The following GPHN variants were observed in gnomAD, a reference collection of about 807,000 sequenced individuals.
GPHN encodes the protein gephyrin.
Under a neutral mutation model 95.5 loss-of-function variants are expected in GPHN, and 17 were observed. The ratio of observed to expected loss-of-function variants is 0.18; its 90% CI spans 0.12 to 0.27. The LOEUF (loss-of-function observed/expected upper bound fraction) is 0.27. Among genes scored for constraint, GPHN ranks in the 10% least tolerant of loss-of-function variants. The pLI is 1.00. For missense variants in GPHN, 660 were observed against 978.1 expected (o/e 0.67, Z 4.34); for synonymous variants, 320 against 322.5 (o/e 0.99, Z 0.08).
chr14:66,845,816 C>CCT (rs1318281400), intron 4 of GPHN, among the ~76,000 whole-genome samples: 2 of 124,970 alleles, frequency 1.6e-5, no homozygotes, highest in African/African-American at 3.7e-5. Flanking sequence ...CACATACATG[C>CCT]CTCTGTGTGT....
At position 66,922,750 on chromosome 14, in the gene GPHN, G is replaced by A. The variant is rs779167485; in HGVS notation, c.541G>A (p.Asp181Asn). The change falls in exon 7 of 23, where the codon GAT (aspartate) becomes AAT (asparagine). Residue 181 changes from aspartate to asparagine, a missense_variant. Asp to Asn is a conservative substitution (Grantham distance 23). This residue lies in a region of GPHN where 190 missense variants were observed against 224.7 expected (regional missense o/e 0.85). Coordinates refer to ENST00000478722, the MANE Select transcript of GPHN (RefSeq NM_020806.5). ...DAIVKVKEVH[D>N]ELEDLPSPPP... ...CATTGTAAAAGTAAAGGAGGTGCAT[G>A]ATGAACTTGAAGATTTGCCTTCCCC... 16 of 1,613,612 alleles carry A rather than the reference G, an allele frequency of 9.9e-6. No homozygotes were observed. Among genetic ancestry groups the A allele is most frequent in the Non-Finnish European group, 1.4e-5 (16 of 1,179,670 alleles).
At chr14:67,527,680 T>C in the GPHN span, among the ~76,000 whole-genome samples, 1 of 152,208 alleles carries the variant, frequency 6.6e-6, no homozygotes, top group Non-Finnish European at 1.5e-5. Flanking sequence ...CAGCCCCTCA[T>C]TCCCCAGCAT....
At chr14:67,201,046 A>G in the GPHN span, among the ~76,000 whole-genome samples, 1 of 152,202 alleles carries the variant, frequency 6.6e-6, no homozygotes, top group African/African-American at 2.4e-5. Context: ...CTATAATCCC[A>G]GTACTTTGAA....
the GPHN span, among the ~76,000 whole-genome samples, chr14:67,708,917 C>T: frequency 2.8e-3 from 420 of 151,768 alleles, 1 homozygote; most frequent in African/African-American, 9.1e-3. Flanking sequence ...CTCAGCCTCA[C>T]GAGTAGCTGG....
chr14:67,466,192 A>G, the GPHN span, among the ~76,000 whole-genome samples: 3 of 152,248 alleles, frequency 2.0e-5, no homozygotes, highest in African/African-American at 4.8e-5. Context: ...TAAACCAGAA[A>G]ACTTCCTTTC....
chr14:67,678,203 T>C, the GPHN span: 1 of 680,398 alleles, frequency 1.5e-6, no homozygotes, highest in African/African-American at 1.8e-5. Context: ...CAGGCAAGGC[T>C]GGAAGGTTTT....
chr14:67,465,417 G>A, the GPHN span, among the ~76,000 whole-genome samples: 1 of 152,128 alleles, frequency 6.6e-6, no homozygotes, highest in Non-Finnish European at 1.5e-5. Context: ...AACCACAAAA[G>A]GTTTGTAAGC....
At chr14:66,919,615 A>G (rs1174826583) in intron 6 of GPHN, among the ~76,000 whole-genome samples, 1 of 152,190 alleles carries the variant, frequency 6.6e-6, no homozygotes, top group Non-Finnish European at 1.5e-5. Context: ...GTCTCCTATT[A>G]AACAATCTTG....
the GPHN span, among the ~76,000 whole-genome samples, chr14:67,548,700 A>T: frequency 1.4e-4 from 22 of 152,346 alleles, no homozygotes; most frequent in East Asian, 4.1e-3. Flanking sequence ...TCTGTCTCAA[A>T]AAAAAAGAGA....
At chr14:67,057,889 A>C (rs1012185459) in intron 10 of GPHN, among the ~76,000 whole-genome samples, 3 of 152,258 alleles carry the variant, frequency 2.0e-5, no homozygotes, top group African/African-American at 7.2e-5. Flanking sequence ...GTTTAATAAG[A>C]AAATGCCTAT....
chr14:67,486,009 G>A, the GPHN span, among the ~76,000 whole-genome samples: 137 of 152,360 alleles, frequency 9.0e-4, 1 homozygote, highest in African/African-American at 3.1e-3. Context: ...TCTGGGCAGA[G>A]TCCAGTCCCA....
At chr14:67,723,884 T>C in the GPHN span, among the ~76,000 whole-genome samples, 7 of 152,224 alleles carry the variant, frequency 4.6e-5, no homozygotes, top group Non-Finnish European at 1.0e-4. Context: ...TTTCTCTCTG[T>C]TTGCCATCGG....
At chr14:67,713,224 C>A in the GPHN span, among the ~76,000 whole-genome samples, 1 of 151,558 alleles carries the variant, frequency 6.6e-6, no homozygotes. Context: ...CAACTCTCTA[C>A]CATCCTAGAA....
chr14:66,560,917 T>G (rs1353684937), intron 1 of GPHN, among the ~76,000 whole-genome samples: 1 of 152,226 alleles, frequency 6.6e-6, no homozygotes, highest in Non-Finnish European at 1.5e-5. Flanking sequence ...ATACATCCCA[T>G]CATTACCTAA....
chr14:66,950,694 G>A (rs1468008432), intron 8 of GPHN, among the ~76,000 whole-genome samples: 1 of 152,058 alleles, frequency 6.6e-6, no homozygotes. Flanking sequence ...TTACTGAAAT[G>A]TTTTAATTAG....
chr14:67,652,132 C>T, the GPHN span, among the ~76,000 whole-genome samples: 9 of 152,184 alleles, frequency 5.9e-5, no homozygotes, highest in African/African-American at 1.2e-4. Context: ...CCCAAGGTCA[C>T]GTACAATACC....
the GPHN span, among the ~76,000 whole-genome samples, chr14:67,504,832 G>A: frequency 1.3e-5 from 2 of 152,142 alleles, no homozygotes; most frequent in African/African-American, 2.4e-5. Context: ...TTGCAGGTGA[G>A]CTGAGATCTC....
the GPHN span, among the ~76,000 whole-genome samples, chr14:67,195,086 C>A: frequency 6.6e-6 from 1 of 152,168 alleles, no homozygotes; most frequent in Admixed American, 6.5e-5. Context: ...ACAGTTACAA[C>A]AAAACCAGGC....
the GPHN span, chr14:67,352,877 TG>T: frequency 2.2e-6 from 3 of 1,352,286 alleles, no homozygotes; most frequent in South Asian, 2.7e-5. Flanking sequence ...AGGGCCATGC[TG>T]GATTTTTCTA....
Sources: allele counts gnomAD v4.1 joint callset (sites outside exome capture counted in the v4.1 genomes callset), GRCh38; gene constraint gnomAD v4.1.1; regional missense constraint gnomAD v4.1.1; transcripts MANE v1.5; gene names NCBI Gene and HGNC (gene_info 2026-07-23, HGNC 2026-07-21).